The following TGFBRAP1 variants were observed in gnomAD, a reference collection of about 807,000 sequenced individuals.
TGFBRAP1 encodes the protein transforming growth factor-beta receptor-associated protein 1.
Under a neutral mutation model 83.2 loss-of-function variants are expected in TGFBRAP1, and 20 were observed. That is an observed-to-expected ratio of 0.24 (90% CI 0.17 to 0.35). TGFBRAP1 has a LOEUF of 0.35. Ranked by LOEUF, TGFBRAP1 falls within the 10% of genes least tolerant of loss-of-function variation. The pLI is 1.00. For synonymous variants in TGFBRAP1, 415 were observed against 459.8 expected, an observed-to-expected ratio of 0.90 and a Z score of 1.25; for missense variants, 950 against 1,099.4, an observed-to-expected ratio of 0.86 and a Z score of 1.92.
chr2:105,286,108 C>T (rs1170024880), intron 4 of TGFBRAP1, among the ~76,000 whole-genome samples: 2 of 152,200 alleles, frequency 1.3e-5, no homozygotes, highest in African/African-American at 4.8e-5. Context: ...ATGGCATCCG[C>T]TCTTCCTCTA....
At chr2:105,280,814 C>T in intron 5 of TGFBRAP1, 91 bp from the exon 6 acceptor site, 1 of 1,352,662 alleles carries the variant, frequency 7.4e-7, no homozygotes, top group East Asian at 2.5e-5. Context: ...CGCACGGTGG[C>T]ACACGTTCAC....
At chr2:105,321,071 G>C (rs1679044959) in intron 1 of TGFBRAP1, among the ~76,000 whole-genome samples, 1 of 152,194 alleles carries the variant, frequency 6.6e-6, no homozygotes, top group African/African-American at 2.4e-5. Flanking sequence ...CTGGCTGATG[G>C]CAGGGATCCT....
At position 105,269,290 on chromosome 2, in the gene TGFBRAP1, T is replaced by G; in HGVS notation, c.2388A>C (p.Leu796Phe). The change falls in exon 11 of 12, where the codon TTA becomes TTC. Residue 796 changes from leucine to phenylalanine, a missense_variant. Transcript: ENST00000393359. This position sits in a 1 kb window ranked among gnomAD's most constrained non-coding sequence, Gnocchi z 4.1. Reference protein sequence around the residue: ...VALGLARSENLIYTYDKMKLK... With the variant: ...VALGLARSENFIYTYDKMKLK... ...CACTTACCTTATCGTAGGTGTAGAT[T>G]AAGTTTTCGGACCTGGCCAGGCCGA... is the stretch of plus-strand genomic sequence containing the variant. The G allele has an allele frequency of 6.3e-7, 1 of 1,598,484 alleles. No homozygotes were observed. The highest frequency in any genetic ancestry group is 1.4e-5 in the African/African-American group (1 of 73,530).
Position 105,296,408 on chromosome 2 carries a change from G to C in TGFBRAP1, c.986C>G (p.Ala329Gly). 1 of 1,613,962 alleles carries C rather than the reference G, an allele frequency of 6.2e-7. No homozygotes were observed. The highest frequency in any genetic ancestry group is 8.5e-7 in the Non-Finnish European group (1 of 1,179,988). ...DLLASRRVEEALVLAKGARRN... is the reference protein window; with the variant it reads ...DLLASRRVEEGLVLAKGARRN... ...CCGGGCTCCTTTTGCTAAAACCAAA[G>C]CCTCTTCTACTCTGCGGCTTGCTAG... Residue 329 changes from alanine to glycine, a missense_variant, in exon 4 of 12, where the codon GCT becomes GGT. Transcript: ENST00000393359.
chr2:105,284,143 C>G (rs1031687894), intron 5 of TGFBRAP1, among the ~76,000 whole-genome samples, 173 bp downstream of exon 5: 3 of 152,096 alleles, frequency 2.0e-5, no homozygotes, highest in Non-Finnish European at 4.4e-5. Context: ...TGAGGGGTGA[C>G]GCTGAGGAAC....
At chr2:105,261,313 T>C (rs1363281034), downstream of TGFBRAP1, among the ~76,000 whole-genome samples, 2 of 152,064 alleles carry the variant, frequency 1.3e-5, no homozygotes, top group Non-Finnish European at 2.9e-5. Flanking sequence ...CACATTCCTG[T>C]TGAGGTCAGG....
At chr2:105,258,328 G>C in the TGFBRAP1 span, among the ~76,000 whole-genome samples, 2 of 152,130 alleles carry the variant, frequency 1.3e-5, no homozygotes. Flanking sequence ...ATTCTTTCTG[G>C]GTGCCTCTGT....
chr2:105,321,603 G>A (rs1199398604), intron 1 of TGFBRAP1, among the ~76,000 whole-genome samples: 3 of 152,188 alleles, frequency 2.0e-5, no homozygotes, highest in African/African-American at 4.8e-5. Context: ...GCCATAGACA[G>A]ATAGCAATGT....
chr2:105,272,054 T>C (rs1241020798), intron 10 of TGFBRAP1, among the ~76,000 whole-genome samples: 1 of 152,214 alleles, frequency 6.6e-6, no homozygotes, highest in African/African-American at 2.4e-5. Flanking sequence ...ACACGTGTGT[T>C]AGATATGCTT....
At chr2:105,288,471 A>G (rs999287483) in intron 4 of TGFBRAP1, among the ~76,000 whole-genome samples, 1 of 152,154 alleles carries the variant, frequency 6.6e-6, no homozygotes, top group East Asian at 1.9e-4. Context: ...ACTGGCAAAC[A>G]CAGTTGTTGC....
intron 6 of TGFBRAP1, 72 bp from the exon 7 acceptor site, chr2:105,277,743 C>A (rs566499729): frequency 1.5e-6 from 2 of 1,378,554 alleles, no homozygotes; most frequent in East Asian, 4.6e-5. Flanking sequence ...CACAGTGACA[C>A]CCCCAGTCCA....
At chr2:105,321,395 T>C (rs1275481852) in intron 1 of TGFBRAP1, among the ~76,000 whole-genome samples, 1 of 152,168 alleles carries the variant, frequency 6.6e-6, no homozygotes, top group Admixed American at 6.6e-5. Context: ...CTCGAACTCC[T>C]GACCTCAGGT....
rs117325205 is a variant in TGFBRAP1, at chr2:105,288,194, G to A, written c.1039-3796C>T. Among the ~76,000 whole-genome samples, 13 of 152,244 alleles carry A rather than the reference G, an allele frequency of 8.5e-5. No individual in the cohort carries two copies. The East Asian group carries it at 2.5e-3, about 29-fold the overall frequency. ...AAAGATGACAACCACAACCAAATGA[G>A]TCTGCAAATATCACAGCAGGACACA... On this transcript the variant is annotated intron_variant, in intron 4 of 11. Transcript: ENST00000393359.
At chr2:105,270,425 C>T (rs903848926) in intron 10 of TGFBRAP1, among the ~76,000 whole-genome samples, 5 of 152,148 alleles carry the variant, frequency 3.3e-5, no homozygotes, top group African/African-American at 7.2e-5. Context: ...AACTTCCCAC[C>T]CAGCCCGTCT....
intron 4 of TGFBRAP1, among the ~76,000 whole-genome samples, chr2:105,291,828 C>A (rs1677927191): frequency 6.6e-6 from 1 of 152,088 alleles, no homozygotes. Flanking sequence ...CTCCAGTTTG[C>A]CATGTGTGCC....
chr2:105,298,780 G>A, intron 2 of TGFBRAP1, 75 bp from the exon 3 acceptor site: 1 of 1,411,400 alleles, frequency 7.1e-7, no homozygotes, highest in South Asian at 1.5e-5. Context: ...ATGTCTGGAT[G>A]CAGACCGACC....
intron 10 of TGFBRAP1, 93 bp downstream of exon 10, chr2:105,272,762 C>T: frequency 2.7e-6 from 4 of 1,508,634 alleles, no homozygotes; most frequent in Non-Finnish European, 3.6e-6. Context: ...GTGCAATCAA[C>T]CAGCAGCTGT....
At chr2:105,278,078 G>A (rs1677411666) in intron 6 of TGFBRAP1, among the ~76,000 whole-genome samples, 1 of 64,338 alleles carries the variant, frequency 1.6e-5, no homozygotes, top group Non-Finnish European at 4.5e-5. Context: ...ATGTGTGTGT[G>A]TGTGTGTGTG....
chr2:105,269,435 A>T lies in TGFBRAP1; in HGVS notation c.2243T>A (p.Phe748Tyr), dbSNP rs745863715. Residue 748 changes from phenylalanine to tyrosine, a missense_variant, in exon 11 of 12, where the codon TTT (phenylalanine) becomes TAT (tyrosine). Physicochemically the swap from Phe to Tyr is conservative, Grantham distance 22 (BLOSUM62 3). Coordinates refer to ENST00000393359, the MANE Select transcript of TGFBRAP1 (RefSeq NM_004257.6). This position sits in a 1 kb window ranked among gnomAD's most constrained non-coding sequence, Gnocchi z 4.1. ...VDLLNRHATE[F>Y]DAAQVLQMLP... Reference sequence around the variant, plus strand: ...CATCTGCAGCACCTGGGCTGCATCAAATTCGGTGGCGTGGCGGTTCAGCAG... The same window carrying T: ...CATCTGCAGCACCTGGGCTGCATCATATTCGGTGGCGTGGCGGTTCAGCAG... The T allele has an allele frequency of 1.9e-6, 3 of 1,613,882 alleles. No homozygotes were observed. The highest frequency in any genetic ancestry group is 2.5e-6 in the Non-Finnish European group (3 of 1,179,960).
Sources: allele counts gnomAD v4.1 joint callset (sites outside exome capture counted in the v4.1 genomes callset), GRCh38; gene constraint gnomAD v4.1.1; non-coding constraint Gnocchi (gnomAD v3.1); transcripts MANE v1.5; gene names NCBI Gene and HGNC (gene_info 2026-07-23, HGNC 2026-07-21).